The following RBM23 variants were observed in gnomAD, a reference collection of about 807,000 sequenced individuals.
RBM23 encodes the protein RNA binding motif protein 23, also known as probable RNA-binding protein 23.
RBM23 carries 53 observed loss-of-function variants against 56.2 expected under a neutral mutation model. The ratio of observed to expected loss-of-function variants is 0.94; its 90% CI spans 0.76 to 1.19. The LOEUF is 1.19. Among genes scored for constraint, RBM23 ranks in the 50% most tolerant of loss-of-function variants. The pLI is 0.00. For missense variants in RBM23, 642 were observed against 590.3 expected, an observed-to-expected ratio of 1.09 and a Z score of -0.91; for synonymous variants, 197 against 198.5, an observed-to-expected ratio of 0.99 and a Z score of 0.06.
Position 22,898,706 on chromosome 14 carries a change from G to A in RBM23, c.*3024C>T, listed in dbSNP as rs1051442411. Reference sequence around the variant, plus strand: ...AAAGAACTGAGGTGGAAGGATCCGAGTGTAGGAAGGCCAAGGTAGCTAGGG... The same window carrying A: ...AAAGAACTGAGGTGGAAGGATCCGAATGTAGGAAGGCCAAGGTAGCTAGGG... On this transcript the variant is annotated 3_prime_UTR_variant, in exon 14 of 14. Transcript: ENST00000359890. 2 of 151,954 alleles carry A rather than the reference G, an allele frequency of 1.3e-5. No individual in the cohort carries two copies. The highest frequency in any genetic ancestry group is 4.8e-5 in the African/African-American group (2 of 41,350). 9.4% of individuals were successfully genotyped at this position (151,954 alleles called of 1,614,324 possible). A position where few individuals can be genotyped will look rare whatever the true frequency, so the allele number is the denominator to read the frequency against.
At chr14:22,914,901 T>C (rs1168022083) in intron 1 of RBM23, among the ~76,000 whole-genome samples, 3 of 148,100 alleles carry the variant, frequency 2.0e-5, no homozygotes, top group Non-Finnish European at 4.5e-5. Context: ...GAGAATCGCT[T>C]GAACCTGGGA....
intron 2 of RBM23, among the ~76,000 whole-genome samples, chr14:22,909,970 T>G (rs1460755648): frequency 6.6e-6 from 1 of 151,316 alleles, no homozygotes; most frequent in African/African-American, 2.4e-5. Context: ...CTCGCCGACA[T>G]GTCGAAACCC....
At position 22,909,528 on chromosome 14, in the gene RBM23, C is replaced by CT; in HGVS notation, c.133dup (p.Ser45LysfsTer4). The CT allele has an allele frequency of 6.2e-7, 1 of 1,613,570 alleles. No homozygotes were observed. Among genetic ancestry groups the CT allele is most frequent in the Admixed American group, 1.7e-5 (1 of 60,010 alleles). The stretch of plus-strand genomic sequence containing the variant: ...GCTGCTTCCACTGGTCTCATTGCCA[C>CT]TGTTGCTGGTGCTGCTGGTGGTATT... On this transcript the variant is annotated frameshift_variant, in exon 3 of 14. Transcript: ENST00000359890. LOFTEE classifies it high-confidence loss of function.
In RBM23 at chr14:22,902,224, T is replaced by A. The variant is rs773425201; in HGVS notation, c.1089A>T (p.Ala363=). The A allele has an allele frequency of 5.0e-6, 8 of 1,614,236 alleles. No individual in the cohort carries two copies. The East Asian group carries it at 6.7e-5, about 13-fold the overall frequency. The change falls in exon 11 of 14, where the codon GCA becomes GCT. Residue 363 remains alanine (A), a synonymous_variant. Transcript: ENST00000359890. ...DGDQELDLGS[A]GGRFQLMAKL... ...TTGCCATGAGCTGAAAACGTCCACC[T>A]GCTGATCCCAGATCCAGCTCCTGGT...
chr14:22,901,535 G>A lies in RBM23; in HGVS notation c.*195C>T. On this transcript the variant is annotated 3_prime_UTR_variant, in exon 14 of 14. Transcript: ENST00000359890. ...TCTCTTCAACTGGTGGCTTTGCTCA[G>A]CAGAGTCCATTTCCAGTGGGACCAT... 1 of 743,824 alleles carries A rather than the reference G, an allele frequency of 1.3e-6. No homozygotes were observed. The highest frequency in any genetic ancestry group is 2.2e-6 in the Non-Finnish European group (1 of 450,524). The allele number at this position is 743,824 out of a possible 1,614,324, so 46.1% of individuals were successfully genotyped here. A position where few individuals can be genotyped will look rare whatever the true frequency, so the allele number is the denominator to read the frequency against.
chr14:22,918,394 A>AGT (rs2043945784), intron 1 of RBM23, among the ~76,000 whole-genome samples: 1 of 99,956 alleles, frequency 1.0e-5, no homozygotes, highest in South Asian at 5.2e-4. Flanking sequence ...CTCCGCCTTA[A>AGT]AAAAATAAAA....
chr14:22,902,355 C>T lies in RBM23; in HGVS notation c.958G>A (p.Ala320Thr). The change falls in exon 11 of 14, where the codon GCC (alanine) becomes ACC (threonine). Residue 320 changes from alanine to threonine, a missense_variant. Coordinates refer to ENST00000359890, the MANE Select transcript of RBM23 (RefSeq NM_001077351.2). ...TFSDSECARR[A>T]LEQLNGFELA... ...TCAAACCCATTCAACTGTTCCAGGG[C>T]CCGCCGGGCACACTCAGAATCAGAG... The T allele has an allele frequency of 1.9e-6, 3 of 1,613,648 alleles. No homozygotes were observed. The highest frequency in any genetic ancestry group is 1.3e-5 in the African/African-American group (1 of 75,016).
rs775549359 is a variant in RBM23 at position 22,902,380 on chromosome 14, G to A, written c.933C>T (p.Phe311=). The A allele has an allele frequency of 1.9e-6, 3 of 1,609,362 alleles. No individual in the cohort carries two copies. The highest frequency in any genetic ancestry group is 1.1e-5 in the South Asian group (1 of 91,018). Residue 311 remains phenylalanine (F), a splice_region_variant and synonymous_variant, in exon 11 of 14, where the codon TTC becomes TTT. Transcript: ENST00000359890. Reference sequence around the variant, plus strand: ...CCCGCCGGGCACACTCAGAATCAGAGAACTATGAGAAACCCAGGCCATGTT... The same window carrying A: ...CCCGCCGGGCACACTCAGAATCAGAAAACTATGAGAAACCCAGGCCATGTT... ...GRSKGYGFIT[F]SDSECARRAL...
intron 4 of RBM23, among the ~76,000 whole-genome samples, chr14:22,907,470 G>A (rs10138658): frequency 0.022 from 3,335 of 152,188 alleles, 137 homozygotes; most frequent in African/African-American, 0.076. Flanking sequence ...CTAGCATCAT[G>A]AAAAGATAAA....
intron 10 of RBM23, chr14:22,903,625 G>T (rs915658599): frequency 3.0e-6 from 3 of 999,376 alleles, no homozygotes; most frequent in Non-Finnish European, 1.2e-6. Context: ...AGTGTATGCT[G>T]CCTGGTTTAA....
chr14:22,906,241 G>T lies in RBM23; in HGVS notation c.355C>A (p.Arg119Ser). The T allele has an allele frequency of 6.2e-7, 1 of 1,614,212 alleles. No individual in the cohort carries two copies. The highest frequency in any genetic ancestry group is 1.1e-5 in the South Asian group (1 of 91,080). ...CTGTAATGCACACGATCCTCACGAC[G>T]ATGGTCCCGACTTCGCGACTCACTA... The part of the protein sequence containing the change: ...HGSESRSRDH[R>S]REDRVHYRSP... The change falls in exon 5 of 14, where the codon CGT (arginine) becomes AGT (serine). Residue 119 changes from arginine to serine, a missense_variant. Arg to Ser is a moderately radical substitution (Grantham distance 110). Transcript: ENST00000359890.
chr14:22,902,321 C>A lies in RBM23; in HGVS notation c.992G>T (p.Gly331Val). The change falls in exon 11 of 14, where the codon GGT (glycine) becomes GTT (valine). Residue 331 changes from glycine to valine, a missense_variant. Transcript: ENST00000359890. ...LEQLNGFELA[G>V]RPMRVGHVTE... Reference sequence around the variant, plus strand: ...CACATGGCCAACCCTCATAGGTCGACCAGCAAGCTCAAACCCATTCAACTG... The same window carrying A: ...CACATGGCCAACCCTCATAGGTCGAACAGCAAGCTCAAACCCATTCAACTG... The A allele has an allele frequency of 2.5e-6, 4 of 1,614,156 alleles. No individual in the cohort carries two copies. The highest frequency in any genetic ancestry group is 1.1e-5 in the South Asian group (1 of 91,084).
intron 1 of RBM23, among the ~76,000 whole-genome samples, chr14:22,913,147 G>A (rs191631403): frequency 1.5e-4 from 23 of 151,742 alleles, no homozygotes; most frequent in African/African-American, 5.1e-4. Context: ...GGGCGCGGTG[G>A]CTCATGCTTG....
intron 10 of RBM23, chr14:22,903,691 T>C: frequency 1.0e-6 from 1 of 1,002,706 alleles, no homozygotes; most frequent in Non-Finnish European, 1.2e-6. Context: ...GTTCTCAGCC[T>C]GGAGTCACAT....
At chr14:22,915,279 T>C (rs2043281951) in intron 1 of RBM23, among the ~76,000 whole-genome samples, 1 of 152,140 alleles carries the variant, frequency 6.6e-6, no homozygotes, top group South Asian at 2.1e-4. Flanking sequence ...GTAAACTCAA[T>C]TGCCTCTGCC....
At chr14:22,902,576 T>C in intron 10 of RBM23, 194 bp from the exon 11 acceptor site, 1 of 1,298,058 alleles carries the variant, frequency 7.7e-7, no homozygotes, top group South Asian at 2.8e-5. Context: ...TCCAATGGAC[T>C]CAATGGCAGT....
chr14:22,919,137 T>G lies in RBM23; in HGVS notation c.-149A>C, dbSNP rs1047764039. The G allele has an allele frequency of 2.0e-5, 3 of 152,230 alleles. No individual in the cohort carries two copies. The highest frequency in any genetic ancestry group is 7.2e-5 in the African/African-American group (3 of 41,430). 9.4% of individuals were successfully genotyped at this position (152,230 alleles called of 1,614,324 possible). A position where few individuals can be genotyped will look rare whatever the true frequency, so the allele number is the denominator to read the frequency against. On this transcript the variant is annotated 5_prime_UTR_variant, in exon 1 of 14. Transcript: ENST00000359890. Reference sequence around the variant, plus strand: ...TACAGAGCCTCCTCTTCCCGCAAAATGGCGGCAGCTCTGCCGTCTTCCAGA... The same window carrying G: ...TACAGAGCCTCCTCTTCCCGCAAAAGGGCGGCAGCTCTGCCGTCTTCCAGA...
Position 22,902,210 on chromosome 14 carries a change from T to C in RBM23, c.1103A>G (p.Gln368Arg). The change falls in exon 11 of 14, where the codon CAG becomes CGG. Residue 368 changes from glutamine to arginine, a missense_variant. Gln to Arg is a conservative substitution (Grantham distance 43, BLOSUM62 1). Coordinates refer to ENST00000359890, the MANE Select transcript of RBM23 (RefSeq NM_001077351.2). ...LDLGSAGGRF[Q>R]LMAKLAEGAG... Reference sequence around the variant, plus strand: ...ACCTTCTGCCAGTTTTGCCATGAGCTGAAAACGTCCACCTGCTGATCCCAG... The same window carrying C: ...ACCTTCTGCCAGTTTTGCCATGAGCCGAAAACGTCCACCTGCTGATCCCAG... 1 of 1,614,158 alleles carries C rather than the reference T, an allele frequency of 6.2e-7. No individual in the cohort carries two copies. Among genetic ancestry groups the C allele is most frequent in the Middle Eastern group, 1.6e-4 (1 of 6,062 alleles).
intron 1 of RBM23, among the ~76,000 whole-genome samples, chr14:22,915,187 T>C (rs1427289258): frequency 6.6e-6 from 1 of 152,088 alleles, no homozygotes; most frequent in Non-Finnish European, 1.5e-5. Context: ...GAGAGAAGAT[T>C]CTTAGAGAAA....
Sources: allele counts gnomAD v4.1 joint callset (sites outside exome capture counted in the v4.1 genomes callset), GRCh38; gene constraint gnomAD v4.1.1; transcripts MANE v1.5; gene names NCBI Gene and HGNC (gene_info 2026-07-23, HGNC 2026-07-21).